Variants in PDXDC1 observed in about 807,000 individuals in gnomAD.
PDXDC1 encodes pyridoxal dependent decarboxylase domain containing 1.
A neutral mutation model predicts 100.1 loss-of-function variants in PDXDC1; 42 were observed. The ratio of observed to expected loss-of-function variants is 0.42; its 90% CI spans 0.33 to 0.54. The LOEUF is 0.54. Ranked by LOEUF, PDXDC1 falls within the 20% of genes least tolerant of loss-of-function variation. The pLI, the probability that PDXDC1 is intolerant of heterozygous loss-of-function variation, is 0.10. For synonymous variants in PDXDC1, 260 were observed against 371.7 expected, an observed-to-expected ratio of 0.70 and a Z score of 3.46; for missense variants, 636 against 979.2, an observed-to-expected ratio of 0.65 and a Z score of 4.68.
intron 16 of PDXDC1, among the ~76,000 whole-genome samples, chr16:15,069,681 T>C (rs1038474273): frequency 1.3e-5 from 2 of 152,196 alleles, no homozygotes; most frequent in African/African-American, 4.8e-5. Flanking sequence ...GTGCTGTCTG[T>C]AAAGGGAGAA....
downstream of PDXDC1, among the ~76,000 whole-genome samples, chr16:15,042,899 ATT>A (rs1193801850): frequency 4.1e-5 from 5 of 121,460 alleles, no homozygotes; most frequent in African/African-American, 3.1e-5. Flanking sequence ...TGCCCAGCTA[ATT>A]TTTTTTTTTT....
At chr16:15,140,461 A>G (rs1039580481), downstream of PDXDC1, among the ~76,000 whole-genome samples, 3 of 151,552 alleles carry the variant, frequency 2.0e-5, no homozygotes, top group South Asian at 2.1e-4. Context: ...AAAAAAAAAA[A>G]AAAAAAGAAA....
At chr16:15,039,216 T>A (rs1011094261), downstream of PDXDC1, among the ~76,000 whole-genome samples, 1 of 152,214 alleles carries the variant, frequency 6.6e-6, no homozygotes, top group East Asian at 1.9e-4. Flanking sequence ...TTCACTTTGG[T>A]AACTGACACT....
At chr16:15,111,487 T>C (rs1394631926) in intron 16 of PDXDC1, among the ~76,000 whole-genome samples, 10 of 142,702 alleles carry the variant, frequency 7.0e-5, no homozygotes, top group East Asian at 2.0e-4. Flanking sequence ...AGGCCAGGTG[T>C]GGTAGCTCAC....
intron 16 of PDXDC1, among the ~76,000 whole-genome samples, chr16:15,082,263 TC>T (rs2045739095): frequency 6.6e-6 from 1 of 152,218 alleles, no homozygotes; most frequent in African/African-American, 2.4e-5. Context: ...CTTCTGTTTT[TC>T]TCGTAAAAGG....
At chr16:15,145,103 C>G in the PDXDC1 span, among the ~76,000 whole-genome samples, 1 of 152,188 alleles carries the variant, frequency 6.6e-6, no homozygotes, top group African/African-American at 2.4e-5. Flanking sequence ...CCCCCAACAC[C>G]ATCCCCCAAA....
intron 16 of PDXDC1, among the ~76,000 whole-genome samples, chr16:15,064,467 G>A (rs1163729657): frequency 6.6e-6 from 1 of 152,034 alleles, no homozygotes; most frequent in Non-Finnish European, 1.5e-5. Context: ...GAGCCATTAC[G>A]CCCAGCCAAT....
intron 5 of PDXDC1, among the ~76,000 whole-genome samples, chr16:15,006,092 A>G (rs1297695465): frequency 6.6e-6 from 1 of 152,288 alleles, no homozygotes; most frequent in Non-Finnish European, 1.5e-5. Flanking sequence ...AGTTCATAAT[A>G]AGCCAGAACC....
chr16:15,007,975 G>C (rs1196379150), intron 6 of PDXDC1, among the ~76,000 whole-genome samples: 1 of 152,254 alleles, frequency 6.6e-6, no homozygotes, highest in East Asian at 1.9e-4. Context: ...TTTATACCTA[G>C]AAAATATCTG....
At chr16:15,096,678 T>C (rs1272421891) in intron 16 of PDXDC1, among the ~76,000 whole-genome samples, 1 of 152,222 alleles carries the variant, frequency 6.6e-6, no homozygotes, top group Non-Finnish European at 1.5e-5. Flanking sequence ...CTGACAATTA[T>C]CTGTTTTGTT....
intron 16 of PDXDC1, chr16:15,044,356 T>C: frequency 6.2e-7 from 1 of 1,613,044 alleles, no homozygotes; most frequent in South Asian, 1.1e-5. Context: ...GAGTGAGTTT[T>C]TGTGACAACT....
chr16:15,094,168 C>T (rs141563647), intron 16 of PDXDC1: 2 of 1,602,248 alleles, frequency 1.2e-6, no homozygotes, highest in Non-Finnish European at 1.7e-6. Flanking sequence ...CGCCCAGCTT[C>T]TTAACTGCAG....
intron 1 of PDXDC1, chr16:14,990,116 C>T (rs1422748854): frequency 7.5e-6 from 11 of 1,469,764 alleles, no homozygotes; most frequent in Admixed American, 2.2e-5. Flanking sequence ...CCCAGCTGCT[C>T]GACAGCAGTC....
intron 16 of PDXDC1, among the ~76,000 whole-genome samples, chr16:15,112,156 C>G (rs1158062587): frequency 6.7e-6 from 1 of 148,556 alleles, no homozygotes; most frequent in East Asian, 1.9e-4. Flanking sequence ...CTCATCATAG[C>G]TAAAATGCAA....
At chr16:15,132,341 GGGGCTAGGGGAGGGGGGA>G (rs2151919311) in intron 16 of PDXDC1, among the ~76,000 whole-genome samples, 1 of 25,088 alleles carries the variant, frequency 4.0e-5, no homozygotes, top group Non-Finnish European at 9.4e-5. Context: ...GGAGGGGGCA[GGGGCTAGGGGAGGGGGGA>G]GGGGCAAGGG....
rs779551407 is a variant in PDXDC1 at position 15,128,073 on chromosome 16, T to C, written c.1400-10806T>C. On this transcript the variant is annotated intron_variant, in intron 16 of 16. Coordinates refer to the PDXDC1 transcript ENST00000535621. ...AGCCAGTCATTGACCAGGAAGAAGG[T>C]GCTGTGTGCCGTCTGCAGGTCCCTG... 14 of 1,609,274 alleles carry C rather than the reference T, an allele frequency of 8.7e-6. No homozygotes were observed. In the Admixed American group the frequency reaches 1.7e-4, roughly 19 times the overall value.
chr16:15,067,193 C>T (rs2045017204), intron 16 of PDXDC1, among the ~76,000 whole-genome samples: 1 of 151,974 alleles, frequency 6.6e-6, no homozygotes, highest in South Asian at 2.1e-4. Flanking sequence ...TGACGGAGCT[C>T]AGCAAGCTGT....
chr16:15,063,468 G>T (rs2044805270), intron 16 of PDXDC1, among the ~76,000 whole-genome samples: 1 of 152,050 alleles, frequency 6.6e-6, no homozygotes, highest in Non-Finnish European at 1.5e-5. Flanking sequence ...CAGCACTTTG[G>T]GAGGCTGAGG....
At chr16:15,021,421 G>A (rs1316247892) in intron 12 of PDXDC1, among the ~76,000 whole-genome samples, 3 of 152,268 alleles carry the variant, frequency 2.0e-5, no homozygotes, top group African/African-American at 7.2e-5. Flanking sequence ...TGCTCATTAT[G>A]TTTACAAAAG....
Sources: gnomAD v4.1 joint callset for allele counts (sites outside exome capture counted in the v4.1 genomes callset) on GRCh38, gnomAD v4.1.1 for gene constraint, MANE v1.5 for transcripts, NCBI Gene and HGNC (gene_info 2026-07-23, HGNC 2026-07-21) for gene names.